SYN3: variants seen among roughly 807,000 people sequenced by gnomAD.
The protein encoded by SYN3 is synapsin-3.
Under a neutral mutation model 65.8 loss-of-function variants are expected in SYN3, and 35 were observed. The observed-to-expected ratio is 0.53, with a 90% CI of 0.41 to 0.70. The LOEUF is 0.70. Among genes scored for constraint, SYN3 ranks in the 30% least tolerant of loss-of-function variants. The pLI is 0.00. For synonymous variants in SYN3, 270 were observed against 292.9 expected, an observed-to-expected ratio of 0.92 and a Z score of 0.80; for missense variants, 680 against 749.0, an observed-to-expected ratio of 0.91 and a Z score of 1.08.
intron 6 of SYN3, among the ~76,000 whole-genome samples, chr22:32,727,495 C>CT (rs2061212051): frequency 6.6e-6 from 1 of 152,132 alleles, no homozygotes; most frequent in Non-Finnish European, 1.5e-5. Flanking sequence ...ATTTATATTC[C>CT]TTGGGGTATA....
intron 4 of SYN3, among the ~76,000 whole-genome samples, chr22:32,926,400 T>C (rs1569332011): frequency 1.3e-5 from 2 of 152,246 alleles, no homozygotes; most frequent in African/African-American, 4.8e-5. Context: ...CCTTATAGTT[T>C]TGTCCATTTT....
chr22:32,709,543 G>A (rs928972939), intron 6 of SYN3, among the ~76,000 whole-genome samples: 2 of 151,974 alleles, frequency 1.3e-5, no homozygotes, highest in Non-Finnish European at 2.9e-5. Flanking sequence ...GTTGAACCAG[G>A]GTTTTTTTTA....
intron 4 of SYN3, among the ~76,000 whole-genome samples, chr22:32,917,967 C>T (rs1456280962): frequency 1.3e-5 from 2 of 151,762 alleles, no homozygotes; most frequent in East Asian, 3.9e-4. Flanking sequence ...GCTTCCCCCT[C>T]CAAGGCTGCT....
intron 3 of SYN3, among the ~76,000 whole-genome samples, chr22:32,979,837 G>A (rs536948841): frequency 4.1e-4 from 62 of 152,264 alleles, no homozygotes; most frequent in African/African-American, 1.4e-3. Context: ...TGTAAGTATT[G>A]CTCAACCAAG....
chr22:32,629,972 T>C (rs976063983), intron 6 of SYN3: 1 of 150,978 alleles, frequency 6.6e-6, no homozygotes, highest in Non-Finnish European at 1.5e-5. Context: ...TTAATGTTAT[T>C]TTATATAGGT....
At chr22:32,680,066 A>C (rs1209400549) in intron 6 of SYN3, among the ~76,000 whole-genome samples, 1 of 151,990 alleles carries the variant, frequency 6.6e-6, no homozygotes, top group Non-Finnish European at 1.5e-5. Context: ...TCAATGCCTG[A>C]CATGTAATAG....
At chr22:32,740,781 C>T (rs1045402057) in intron 6 of SYN3, among the ~76,000 whole-genome samples, 9 of 152,048 alleles carry the variant, frequency 5.9e-5, no homozygotes, top group South Asian at 2.1e-4. Flanking sequence ...AGGTGGGCTG[C>T]CCAGGAGGTG....
At chr22:32,981,654 T>A (rs2052377920) in intron 2 of SYN3, among the ~76,000 whole-genome samples, 1 of 151,980 alleles carries the variant, frequency 6.6e-6, no homozygotes, top group African/African-American at 2.4e-5. Flanking sequence ...GAGGATTAAA[T>A]AAGAAAAAGG....
At chr22:32,902,308 T>C in intron 4 of SYN3, among the ~76,000 whole-genome samples, 1 of 152,084 alleles carries the variant, frequency 6.6e-6, no homozygotes, top group East Asian at 1.9e-4. Flanking sequence ...CAAGGGAGAA[T>C]GTAGTCAGTG....
chr22:32,773,563 C>T (rs887885709), intron 6 of SYN3, among the ~76,000 whole-genome samples: 1 of 152,054 alleles, frequency 6.6e-6, no homozygotes, highest in Non-Finnish European at 1.5e-5. Context: ...GAGAAATTTT[C>T]TGGATGTAAT....
intron 1 of SYN3, among the ~76,000 whole-genome samples, chr22:33,026,946 C>T (rs1032226392): frequency 6.6e-6 from 1 of 152,204 alleles, no homozygotes. Context: ...CTTGGGAACT[C>T]CGTCTTTCTT....
chr22:32,853,637 T>C (rs900478011), intron 6 of SYN3, among the ~76,000 whole-genome samples: 19 of 152,250 alleles, frequency 1.2e-4, no homozygotes, highest in Non-Finnish European at 2.4e-4. Flanking sequence ...AACCCACTTA[T>C]GTCTGAAGTT....
At chr22:32,820,174 C>G (rs546017885) in intron 6 of SYN3, among the ~76,000 whole-genome samples, 1 of 152,166 alleles carries the variant, frequency 6.6e-6, no homozygotes, top group Admixed American at 6.5e-5. Flanking sequence ...GGCTCCTGTG[C>G]CCAAGCCCTT....
chr22:32,759,090 G>T lies in SYN3; in HGVS notation c.711+105825C>A, dbSNP rs141531096. 3.6e-3 allele frequency among the ~76,000 whole-genome samples: 554 copies of T among 152,176 alleles called. 10 individuals carry two copies. The highest frequency in any genetic ancestry group is 0.023 in the Admixed American group (352 of 15,286). ...CTCAATATCTCTCTAAGTTCTTTAA[G>T]CCCTGTATTCAGTTGTGGTCGCCAG... On this transcript the variant is annotated intron_variant, in intron 6 of 13. Coordinates refer to ENST00000358763, the MANE Select transcript of SYN3 (RefSeq NM_003490.4).
At chr22:32,582,077 C>T (rs1371397480) in intron 7 of SYN3, among the ~76,000 whole-genome samples, 7 of 152,068 alleles carry the variant, frequency 4.6e-5, no homozygotes, top group South Asian at 2.1e-4. Flanking sequence ...GGATTATAGG[C>T]GTGAGCTACC....
At chr22:32,947,743 G>T (rs1299254772) in intron 3 of SYN3, among the ~76,000 whole-genome samples, 1 of 152,170 alleles carries the variant, frequency 6.6e-6, no homozygotes, top group Non-Finnish European at 1.5e-5. Flanking sequence ...CAGCATATTA[G>T]TCTTCTATTG....
chr22:32,904,611 A>T (rs2049853191), intron 4 of SYN3, among the ~76,000 whole-genome samples: 1 of 152,112 alleles, frequency 6.6e-6, no homozygotes, highest in Non-Finnish European at 1.5e-5. Flanking sequence ...TTGCTTGTAC[A>T]TGTGACAGTT....
chr22:32,854,624 C>A (rs2048313509), intron 6 of SYN3, among the ~76,000 whole-genome samples: 1 of 152,186 alleles, frequency 6.6e-6, no homozygotes, highest in South Asian at 2.1e-4. Context: ...AGGCATACAG[C>A]AGCACGCTTA....
intron 1 of SYN3, among the ~76,000 whole-genome samples, chr22:33,016,815 G>A (rs1290461926): frequency 6.6e-6 from 1 of 152,146 alleles, no homozygotes; most frequent in African/African-American, 2.4e-5. Context: ...CCCCTTATCA[G>A]ATGTATGGTT....
Sources: gnomAD v4.1 joint callset for allele counts (sites outside exome capture counted in the v4.1 genomes callset) on GRCh38, gnomAD v4.1.1 for gene constraint, MANE v1.5 for transcripts, NCBI Gene and HGNC (gene_info 2026-07-23, HGNC 2026-07-21) for gene names.